Variants in EPS15 observed in about 807,000 individuals in gnomAD.
EPS15 encodes the protein epidermal growth factor receptor substrate 15.
EPS15 carries 72 observed loss-of-function variants against 113.8 expected under a neutral mutation model. That is an observed-to-expected ratio of 0.63 (90% confidence interval 0.52 to 0.77). The LOEUF is 0.77. EPS15 is among the 30% of genes least tolerant of loss of function. The pLI is 0.00. For synonymous variants in EPS15, 344 were observed against 363.4 expected (o/e 0.95, Z 0.61); for missense variants, 1,048 against 1,045.8 (o/e 1.00, Z -0.03).
intron 2 of EPS15, among the ~76,000 whole-genome samples, chr1:51,475,691 C>T (rs192360098): frequency 1.5e-3 from 234 of 152,268 alleles, no homozygotes; most frequent in Non-Finnish European, 1.1e-3. Flanking sequence ...TAATTAGATA[C>T]CATTTATCAA....
intron 1 of EPS15, among the ~76,000 whole-genome samples, chr1:51,490,509 G>C (rs1378641515): frequency 6.9e-6 from 1 of 144,902 alleles, no homozygotes; most frequent in Non-Finnish European, 1.5e-5. Context: ...AGGTTGCAGT[G>C]AGCCGAGATC....
intron 23 of EPS15, among the ~76,000 whole-genome samples, chr1:51,361,758 A>G (rs748852793): frequency 3.9e-5 from 6 of 152,218 alleles, no homozygotes; most frequent in Non-Finnish European, 7.3e-5. Flanking sequence ...CCTCAGCCTG[A>G]TAACAGTTAT....
intron 13 of EPS15, among the ~76,000 whole-genome samples, chr1:51,420,964 T>C (rs74957896): frequency 0.032 from 4,858 of 152,200 alleles, 127 homozygotes; most frequent in Non-Finnish European, 0.05. Flanking sequence ...GAAATGCCCA[T>C]CCAAGAGTTC....
At chr1:51,443,524 A>C (rs1308504874) in intron 11 of EPS15, among the ~76,000 whole-genome samples, 1 of 152,196 alleles carries the variant, frequency 6.6e-6, no homozygotes, top group Admixed American at 6.5e-5. Flanking sequence ...TAACTCACAA[A>C]GCAGATAATA....
chr1:51,504,700 C>T (rs1644468039), intron 1 of EPS15, among the ~76,000 whole-genome samples: 1 of 152,038 alleles, frequency 6.6e-6, no homozygotes, highest in African/African-American at 2.4e-5. Context: ...AAATCGAAAA[C>T]ACAATGAGAT....
intron 19 of EPS15, among the ~76,000 whole-genome samples, chr1:51,400,712 C>CAAAAAAAAAA (rs375748381): frequency 7.0e-4 from 42 of 60,122 alleles, no homozygotes; most frequent in African/African-American, 1.9e-3. Context: ...CAAAAAACAC[C>CAAAAAAAAAA]AAAAAAAAAA....
intron 5 of EPS15, among the ~76,000 whole-genome samples, chr1:51,467,641 C>T (rs1654938242): frequency 6.6e-6 from 1 of 152,296 alleles, no homozygotes; most frequent in South Asian, 2.1e-4. Flanking sequence ...AGGAACTGAG[C>T]TGTATAGCAG....
chr1:51,399,860 CA>C (rs199571462), intron 19 of EPS15, among the ~76,000 whole-genome samples: 3 of 148,332 alleles, frequency 2.0e-5, no homozygotes, highest in Admixed American at 6.7e-5. Flanking sequence ...AAGACTGTCT[CA>C]AAAAAAAAAT....
intron 7 of EPS15, among the ~76,000 whole-genome samples, chr1:51,462,431 A>C (rs568158334): frequency 6.6e-6 from 1 of 152,216 alleles, no homozygotes; most frequent in South Asian, 2.1e-4. Flanking sequence ...TGAAATATGA[A>C]GAGGATTATG....
At chr1:51,423,600 A>C (rs2148452294) in intron 12 of EPS15, 1 of 985,394 alleles carries the variant, frequency 1.0e-6, no homozygotes, top group Non-Finnish European at 1.2e-6. Context: ...GAAAGTAGAT[A>C]ATAACAAAAA....
At chr1:51,493,479 C>G (rs1305724596) in intron 1 of EPS15, among the ~76,000 whole-genome samples, 2 of 149,288 alleles carry the variant, frequency 1.3e-5, no homozygotes, top group Admixed American at 6.7e-5. Context: ...GAGCCGAGAT[C>G]GCACCACTGC....
At chr1:51,481,953 T>C (rs900811289) in intron 1 of EPS15, among the ~76,000 whole-genome samples, 1 of 152,116 alleles carries the variant, frequency 6.6e-6, no homozygotes, top group African/African-American at 2.4e-5. Context: ...GAGGACTGCT[T>C]GAACCCAAGA....
intron 8 of EPS15, among the ~76,000 whole-genome samples, chr1:51,456,652 A>ATT (rs1163097777): frequency 4.6e-5 from 7 of 152,220 alleles, no homozygotes; most frequent in African/African-American, 1.7e-4. Flanking sequence ...TATTTTTTAA[A>ATT]TTACTTCAAT....
At chr1:51,385,331 A>C (rs1647037466) in intron 21 of EPS15, among the ~76,000 whole-genome samples, 1 of 152,184 alleles carries the variant, frequency 6.6e-6, no homozygotes, top group African/African-American at 2.4e-5. Context: ...CTACATACTA[A>C]TCATTAGGGA....
At chr1:51,440,307 GTGTGTGTA>G in intron 12 of EPS15, 32 bp downstream of exon 12, 1 of 728,098 alleles carries the variant, frequency 1.4e-6, no homozygotes. Context: ...GTGTGTGTGT[GTGTGTGTA>G]TGTGAGTAGG....
chr1:51,465,232 G>A lies in EPS15; in HGVS notation c.375+29C>T, dbSNP rs781194396. On this transcript the variant is annotated intron_variant, in intron 6 of 24. Transcript: ENST00000371733. ...AGAGTAGATAGGAAGCAATGAAGGG[G>A]TGAGAGAATAGTTACAAAGTTTACT... is the stretch of plus-strand genomic sequence containing the variant. 7 of 1,432,810 alleles carry A rather than the reference G, an allele frequency of 4.9e-6. No individual in the cohort carries two copies. In the Admixed American group the frequency reaches 8.7e-5, roughly 18 times the overall value. The allele number at this position is 1,432,810 out of a possible 1,614,324, so 88.8% of individuals were successfully genotyped here. A position where few individuals can be genotyped will look rare whatever the true frequency, so the allele number is the denominator to read the frequency against.
intron 1 of EPS15, among the ~76,000 whole-genome samples, chr1:51,508,338 G>GAGAAAGAGAGAAAGAAAGAA (rs1553139583): frequency 3.3e-5 from 4 of 122,248 alleles, no homozygotes; most frequent in Non-Finnish European, 5.1e-5. Flanking sequence ...AAGAGAAAGA[G>GAGAAAGAGAGAAAGAAAGAA]AGAAAGAAAG....
chr1:51,394,553 G>C, intron 20 of EPS15, 106 bp from the exon 21 acceptor site: 1 of 565,756 alleles, frequency 1.8e-6, no homozygotes, highest in Non-Finnish European at 3.1e-6. Flanking sequence ...AATTAATTAA[G>C]GAATATAGAC....
At chr1:51,518,116 G>A (rs1289494675) in intron 1 of EPS15, among the ~76,000 whole-genome samples, 2 of 152,174 alleles carry the variant, frequency 1.3e-5, no homozygotes, top group African/African-American at 4.8e-5. Flanking sequence ...AACCGTCTGA[G>A]GAGACGCGGG....
Sources: gnomAD v4.1 joint callset for allele counts (sites outside exome capture counted in the v4.1 genomes callset) on GRCh38, gnomAD v4.1.1 for gene constraint, MANE v1.5 for transcripts, NCBI Gene and HGNC (gene_info 2026-07-23, HGNC 2026-07-21) for gene names.